OSBPL10: variants seen among roughly 807,000 people sequenced by gnomAD.
The protein encoded by OSBPL10 is oxysterol-binding protein-related protein 10.
Under a neutral mutation model 81.7 loss-of-function variants are expected in OSBPL10, and 49 were observed. The ratio of observed to expected loss-of-function variants is 0.60; its 90% CI spans 0.48 to 0.76. The LOEUF (loss-of-function observed/expected upper bound fraction) is 0.76, where lower values mean the gene tolerates loss of function less well. Among genes scored for constraint, OSBPL10 ranks in the 30% least tolerant of loss-of-function variants. The pLI, the probability that OSBPL10 is intolerant of heterozygous loss-of-function variation, is 0.00. For synonymous variants in OSBPL10, 419 were observed against 383.6 expected (o/e 1.09, Z -1.08); for missense variants, 923 against 987.8 (o/e 0.93, Z 0.88).
At position 31,661,845 on chromosome 3, in the gene OSBPL10, C is replaced by G. The variant is rs890319827; in HGVS notation, c.*227G>C. The G allele has an allele frequency of 2.0e-6, 1 of 509,680 alleles. No individual in the cohort carries two copies. Among genetic ancestry groups the G allele is most frequent in the Non-Finnish European group, 3.4e-6 (1 of 296,372 alleles). 31.6% of individuals were successfully genotyped at this position (509,680 alleles called of 1,614,324 possible). A position where few individuals can be genotyped will look rare whatever the true frequency, so the allele number is the denominator to read the frequency against. On this transcript the variant is annotated 3_prime_UTR_variant, in exon 12 of 12. Transcript: ENST00000396556. ...TGTTTACATAGTGCATGTGTGTGAACGTATACGGTGTGTACACACACGTGC... is the reference window on the plus strand; with the variant it reads ...TGTTTACATAGTGCATGTGTGTGAAGGTATACGGTGTGTACACACACGTGC...
intron 2 of OSBPL10, among the ~76,000 whole-genome samples, chr3:32,013,723 G>A (rs1420830266): frequency 6.6e-6 from 1 of 152,096 alleles, no homozygotes; most frequent in East Asian, 1.9e-4. Flanking sequence ...AGAAAAGAGA[G>A]AAGAATGAAA....
At chr3:31,847,576 T>C (rs1001309093) in intron 3 of OSBPL10, among the ~76,000 whole-genome samples, 1 of 152,060 alleles carries the variant, frequency 6.6e-6, no homozygotes, top group African/African-American at 2.4e-5. Context: ...ATTACCCCAA[T>C]CCATATCTGT....
Position 31,668,815 on chromosome 3 carries a change from T to G in OSBPL10, c.1923A>C (p.Ala641=), listed in dbSNP as rs746840486. The change falls in exon 10 of 12, where the codon GCA becomes GCC. Residue 641 remains alanine (A), a synonymous_variant. Coordinates refer to ENST00000396556, the MANE Select transcript of OSBPL10 (RefSeq NM_017784.5). ...TGTTGGTTGGGTTGTGCTTCACTTC[T>G]GCGGTAACCCTGAATTAATGAGTCA... ...FYGGKVHRVT[A]EVKHNPTNTI... is the part of the protein sequence containing the mutation. The G allele has an allele frequency of 4.6e-5, 74 of 1,608,848 alleles. No homozygotes were observed. The highest frequency in any genetic ancestry group is 5.9e-5 in the Non-Finnish European group (69 of 1,176,756).
At chr3:31,767,609 G>A (rs190847481) in intron 4 of OSBPL10, among the ~76,000 whole-genome samples, 53 of 152,084 alleles carry the variant, frequency 3.5e-4, no homozygotes, top group Admixed American at 5.2e-4. Context: ...GAGCCCTCCC[G>A]TGAGCACTTG....
intron 4 of OSBPL10, among the ~76,000 whole-genome samples, chr3:31,748,634 G>A (rs1474912293): frequency 6.0e-5 from 6 of 100,018 alleles, no homozygotes; most frequent in Admixed American, 2.8e-4. Context: ...AGCCCCCTTC[G>A]CTCGCTTGCA....
At chr3:31,708,100 T>G (rs1323167628) in intron 6 of OSBPL10, among the ~76,000 whole-genome samples, 1 of 152,120 alleles carries the variant, frequency 6.6e-6, no homozygotes, top group Non-Finnish European at 1.5e-5. Flanking sequence ...AGTTAAAATT[T>G]TTAAATTTTT....
chr3:31,806,520 C>G (rs552618871), intron 4 of OSBPL10, among the ~76,000 whole-genome samples: 3 of 152,234 alleles, frequency 2.0e-5, no homozygotes, highest in Non-Finnish European at 4.4e-5. Context: ...TGATACATAT[C>G]TATTGAGCTT....
At chr3:31,986,963 T>C (rs1698941951) in intron 2 of OSBPL10, among the ~76,000 whole-genome samples, 1 of 152,136 alleles carries the variant, frequency 6.6e-6, no homozygotes, top group African/African-American at 2.4e-5. Flanking sequence ...GCTATGATTG[T>C]GCCACTGTAC....
Position 31,760,503 on chromosome 3 carries a change from C to T in OSBPL10, c.730-12383G>A, listed in dbSNP as rs568595137. ...AAATTGCTTATGACACCTAATACAA[C>T]GTAAATTCCATGTAAATAGTTATTA... On this transcript the variant is annotated intron_variant, in intron 4 of 11. Transcript: ENST00000396556. Among the ~76,000 whole-genome samples the T allele has an allele frequency of 7.9e-5, 12 of 152,232 alleles. No homozygotes were observed. The East Asian group carries it at 9.6e-4, about 12-fold the overall frequency.
intron 9 of OSBPL10, 98 bp from the exon 10 acceptor site, chr3:31,668,922 A>C: frequency 8.8e-7 from 1 of 1,137,322 alleles, no homozygotes; most frequent in Non-Finnish European, 1.2e-6. Context: ...TTTTAATCAG[A>C]AATGGGAAGG....
intron 7 of OSBPL10, among the ~76,000 whole-genome samples, chr3:31,697,482 C>T (rs1277025443): frequency 6.6e-6 from 1 of 151,746 alleles, no homozygotes; most frequent in Non-Finnish European, 1.5e-5. Flanking sequence ...AAACAAATGG[C>T]AATTAGTAAT....
At chr3:32,031,119 G>A (rs1048852216) in intron 2 of OSBPL10, among the ~76,000 whole-genome samples, 30 of 151,708 alleles carry the variant, frequency 2.0e-4, no homozygotes, top group African/African-American at 6.0e-4. Flanking sequence ...GAGCTGAGTC[G>A]TGACACTGCA....
intron 6 of OSBPL10, among the ~76,000 whole-genome samples, chr3:31,706,473 T>C (rs1484532155): frequency 1.3e-5 from 2 of 151,974 alleles, no homozygotes; most frequent in African/African-American, 4.8e-5. Context: ...CTGGGAATGG[T>C]CCAATCCAAG....
intron 3 of OSBPL10, among the ~76,000 whole-genome samples, chr3:31,843,046 T>G (rs754324645): frequency 1.3e-5 from 2 of 152,226 alleles, no homozygotes; most frequent in Non-Finnish European, 2.9e-5. Context: ...CTTACACCTC[T>G]CAATCCACAT....
intron 10 of OSBPL10, 184 bp from the exon 11 acceptor site, chr3:31,664,416 C>T: frequency 1.6e-6 from 1 of 617,208 alleles, no homozygotes; most frequent in South Asian, 2.0e-5. Context: ...CCAGCTCCAC[C>T]TCTGTGTTGT....
chr3:31,835,708 C>T (rs992182870), intron 3 of OSBPL10, among the ~76,000 whole-genome samples: 5 of 152,096 alleles, frequency 3.3e-5, no homozygotes, highest in Admixed American at 6.6e-5. Context: ...TTTTGAAAAA[C>T]AAATTTAACC....
At chr3:31,672,057 G>A (rs1484033992) in intron 8 of OSBPL10, among the ~76,000 whole-genome samples, 1 of 146,854 alleles carries the variant, frequency 6.8e-6, no homozygotes, top group African/African-American at 2.6e-5. Context: ...TGAGCCTTAG[G>A]AGGGTAGAGG....
rs61492992 is a variant in OSBPL10, at chr3:31,720,881, C to CAAAAAAAAAAAA, written c.1095+12364_1095+12375dup. Reference sequence around the variant, plus strand: ...TGGGCAACAGAGCGAGACTCTGTCTCAAAAAAAAAAAAAAAAAAAAAAAGG... The same window carrying CAAAAAAAAAAAA: ...TGGGCAACAGAGCGAGACTCTGTCTCAAAAAAAAAAAAAAAAAAAAAAAAAAAAAAAAAAAGG... On this transcript the variant is annotated intron_variant, in intron 6 of 11. Transcript: ENST00000396556. Among the ~76,000 whole-genome samples the CAAAAAAAAAAAA allele has an allele frequency of 5.4e-4, 36 of 66,308 alleles. 1 individual carries two copies. The highest frequency in any genetic ancestry group is 3.5e-4 in the Admixed American group (2 of 5,724). The allele number at this position is 66,308 out of a possible 152,430, so 43.5% of individuals were successfully genotyped here. A position where few individuals can be genotyped will look rare whatever the true frequency, so the allele number is the denominator to read the frequency against.
intron 7 of OSBPL10, among the ~76,000 whole-genome samples, chr3:31,693,222 T>C (rs1392457578): frequency 3.3e-5 from 5 of 152,184 alleles, no homozygotes; most frequent in Non-Finnish European, 5.9e-5. Context: ...GGATAAACAC[T>C]GGCCTTCTGA....
Sources: allele counts gnomAD v4.1 joint callset (sites outside exome capture counted in the v4.1 genomes callset), GRCh38; gene constraint gnomAD v4.1.1; transcripts MANE v1.5; gene names NCBI Gene and HGNC (gene_info 2026-07-23, HGNC 2026-07-21).